SPMIP3: variants seen among roughly 807,000 people sequenced by gnomAD.
SPMIP3 encodes protein SPMIP3.
chr1:244,384,041 CA>C, the SPMIP3 span, among the ~76,000 whole-genome samples: 1 of 152,008 alleles, frequency 6.6e-6, no homozygotes, highest in Admixed American at 6.6e-5. Flanking sequence ...ACCATGTAAC[CA>C]AACACCATCT....
At chr1:244,367,856 G>C in the SPMIP3 span, among the ~76,000 whole-genome samples, 3 of 152,160 alleles carry the variant, frequency 2.0e-5, no homozygotes, top group Non-Finnish European at 2.9e-5. Context: ...AACGCTGTGG[G>C]GAGACAATCA....
chr1:244,360,557 CATGCATGCAT>C, the SPMIP3 span, among the ~76,000 whole-genome samples: 528 of 56,070 alleles, frequency 9.4e-3, 6 homozygotes, highest in African/African-American at 0.041. Flanking sequence ...CACACACACA[CATGCATGCAT>C]GGAATATTAT....
At chr1:244,364,341 G>A in the SPMIP3 span, among the ~76,000 whole-genome samples, 4 of 151,926 alleles carry the variant, frequency 2.6e-5, no homozygotes, top group Admixed American at 2.0e-4. Flanking sequence ...TCCTGACCTC[G>A]TGATCCTCCC....
chr1:244,377,260 T>G, the SPMIP3 span, among the ~76,000 whole-genome samples: 3 of 152,128 alleles, frequency 2.0e-5, no homozygotes, highest in East Asian at 1.9e-4. Context: ...TAGCTGGGAC[T>G]ACAGGCACCC....
At chr1:244,388,455 C>A in the SPMIP3 span, among the ~76,000 whole-genome samples, 2 of 151,116 alleles carry the variant, frequency 1.3e-5, no homozygotes, top group African/African-American at 2.4e-5. Context: ...TTACCATATA[C>A]GTATCTATTC....
chr1:244,362,621 T>C, the SPMIP3 span, among the ~76,000 whole-genome samples: 16 of 152,168 alleles, frequency 1.1e-4, no homozygotes, highest in Admixed American at 4.6e-4. Context: ...TTGTAATCAA[T>C]GTGGAGAGTG....
chr1:244,361,630 G>A, the SPMIP3 span, among the ~76,000 whole-genome samples: 1 of 151,992 alleles, frequency 6.6e-6, no homozygotes, highest in African/African-American at 2.4e-5. Context: ...TACCCTGATT[G>A]GATCATTACT....
chr1:244,363,965 T>C, the SPMIP3 span, among the ~76,000 whole-genome samples: 1 of 143,530 alleles, frequency 7.0e-6, no homozygotes, highest in Admixed American at 7.1e-5. Context: ...CGTGCTTAGC[T>C]TGCAAGCTTG....
At chr1:244,375,399 C>T in the SPMIP3 span, 305 of 1,613,764 alleles carry the variant, frequency 1.9e-4, no homozygotes, top group African/African-American at 3.6e-3. Context: ...AAGGAAGAGA[C>T]GTTCAAGGCT....
At chr1:244,383,557 G>A in the SPMIP3 span, among the ~76,000 whole-genome samples, 1 of 152,088 alleles carries the variant, frequency 6.6e-6, no homozygotes, top group Admixed American at 6.6e-5. Flanking sequence ...ATGCTATAAG[G>A]CAGAGTTTAT....
the SPMIP3 span, chr1:244,378,322 C>T: frequency 1.3e-6 from 1 of 753,626 alleles, no homozygotes; most frequent in Admixed American, 2.9e-5. Context: ...GCAGCTTTGC[C>T]AGGGCTGGTC....
the SPMIP3 span, among the ~76,000 whole-genome samples, chr1:244,379,920 A>G: frequency 1.1e-4 from 16 of 151,346 alleles, no homozygotes; most frequent in African/African-American, 3.9e-4. Flanking sequence ...GTGAGCCGAG[A>G]TCGTGCGACT....
At chr1:244,388,498 T>C in the SPMIP3 span, among the ~76,000 whole-genome samples, 1 of 152,142 alleles carries the variant, frequency 6.6e-6, no homozygotes, top group East Asian at 1.9e-4. Context: ...TTGTATGGTT[T>C]TGAACTTTGT....
chr1:244,367,375 CA>C, the SPMIP3 span, among the ~76,000 whole-genome samples: 1 of 152,066 alleles, frequency 6.6e-6, no homozygotes, highest in Non-Finnish European at 1.5e-5. Flanking sequence ...TTGCAGAGAG[CA>C]GGGGGAGGCA....
At chr1:244,375,506 C>T in the SPMIP3 span, 4 of 1,534,964 alleles carry the variant, frequency 2.6e-6, no homozygotes, top group Non-Finnish European at 3.6e-6. Flanking sequence ...AAGAATGTCA[C>T]GAAAGCTACA....
At chr1:244,370,183 A>G in the SPMIP3 span, among the ~76,000 whole-genome samples, 3 of 151,198 alleles carry the variant, frequency 2.0e-5, no homozygotes, top group Admixed American at 2.0e-4. Flanking sequence ...GATGTTAGCC[A>G]CCAAGTACAA....
At chr1:244,362,790 T>G in the SPMIP3 span, among the ~76,000 whole-genome samples, 1 of 152,010 alleles carries the variant, frequency 6.6e-6, no homozygotes, top group Non-Finnish European at 1.5e-5. Context: ...AGTATGCCTT[T>G]GTCCCCCAGC....
the SPMIP3 span, chr1:244,378,606 C>T: frequency 6.2e-6 from 10 of 1,613,888 alleles, no homozygotes; most frequent in African/African-American, 5.3e-5. Flanking sequence ...AACCACTTAC[C>T]GACGAGACTA....
At chr1:244,373,972 G>T in the SPMIP3 span, among the ~76,000 whole-genome samples, 1 of 151,950 alleles carries the variant, frequency 6.6e-6, no homozygotes, top group Non-Finnish European at 1.5e-5. Context: ...AATTAGCCCG[G>T]TGTGGTGGCA....
Sources: allele counts gnomAD v4.1 joint callset (sites outside exome capture counted in the v4.1 genomes callset), GRCh38; gene constraint gnomAD v4.1.1; transcripts MANE v1.5; gene names NCBI Gene and HGNC (gene_info 2026-07-23, HGNC 2026-07-21).